Variants in CENPP observed in about 807,000 individuals in gnomAD.
CENPP encodes the protein centromere protein P.
A neutral mutation model predicts 35.6 loss-of-function variants in CENPP; 24 were observed. That is an observed-to-expected ratio of 0.67 (90% CI 0.49 to 0.95). The LOEUF (loss-of-function observed/expected upper bound fraction) is 0.95, where lower values mean the gene tolerates loss of function less well. CENPP is among the 40% of genes least tolerant of loss of function. The probability of loss-of-function intolerance (pLI) is 0.00; values close to 1 mark genes in which losing one functional copy is unlikely to be tolerated. For missense variants in CENPP, 332 were observed against 345.3 expected, an observed-to-expected ratio of 0.96 and a Z score of 0.31; for synonymous variants, 120 against 125.5, an observed-to-expected ratio of 0.96 and a Z score of 0.29.
intron 5 of CENPP, among the ~76,000 whole-genome samples, chr9:92,532,013 A>ATTTTTTTTTTTTTTTTTTTT (rs1368397928): frequency 1.5e-5 from 1 of 68,914 alleles, no homozygotes; most frequent in African/African-American, 1.2e-4. Flanking sequence ...TTTTTATTTA[A>ATTTTTTTTTTTTTTTTTTTT]TGTTTTTTTT....
chr9:92,568,350 G>A (rs1850049663), intron 5 of CENPP, among the ~76,000 whole-genome samples: 1 of 151,988 alleles, frequency 6.6e-6, no homozygotes, highest in African/African-American at 2.4e-5. Flanking sequence ...GTTTTCTGTT[G>A]TTGCGATAGT....
chr9:92,414,959 G>A (rs1391049200), intron 5 of CENPP: 1 of 387,756 alleles, frequency 2.6e-6, no homozygotes, highest in Non-Finnish European at 4.5e-6. Context: ...TATTTTTAAA[G>A]ATTTACATTA....
chr9:92,420,386 G>T lies in CENPP; in HGVS notation c.564+40527G>T, dbSNP rs75698799. On this transcript the variant is annotated intron_variant, in intron 5 of 7. Coordinates refer to ENST00000375587, the MANE Select transcript of CENPP (RefSeq NM_001012267.3). ...CTAAACTTTCTGGCTCCTTCAATCT[G>T]CCAAACTCCAACTCTGGTTACTCCA... Among the ~76,000 whole-genome samples, 731 of 152,144 alleles carry T rather than the reference G, an allele frequency of 4.8e-3. 4 individuals are homozygous for T. Among genetic ancestry groups the T allele is most frequent in the African/African-American group, 0.015 (637 of 41,478 alleles).
chr9:92,337,426 G>T, intron 2 of CENPP, 115 bp from the exon 3 acceptor site: 1 of 584,404 alleles, frequency 1.7e-6, no homozygotes, highest in Non-Finnish European at 3.1e-6. Context: ...AATTGCTAAT[G>T]CACACTTTCA....
chr9:92,560,880 T>G (rs2131341566), intron 5 of CENPP, among the ~76,000 whole-genome samples: 1 of 151,300 alleles, frequency 6.6e-6, no homozygotes, highest in African/African-American at 2.4e-5. Context: ...TTTTTTTTTT[T>G]TTTTTTTTTA....
At chr9:92,360,152 C>A (rs190291042) in intron 4 of CENPP, among the ~76,000 whole-genome samples, 1 of 152,178 alleles carries the variant, frequency 6.6e-6, no homozygotes, top group South Asian at 2.1e-4. Flanking sequence ...ATTTCATTCA[C>A]GTTTTGGCTA....
intron 5 of CENPP, chr9:92,415,178 G>A: frequency 1.2e-6 from 2 of 1,609,710 alleles, no homozygotes; most frequent in Non-Finnish European, 1.7e-6. Flanking sequence ...TAATAATGAA[G>A]GTCAAAGTGC....
intron 5 of CENPP, chr9:92,509,965 A>G: frequency 6.2e-7 from 1 of 1,611,030 alleles, no homozygotes; most frequent in East Asian, 2.2e-5. Flanking sequence ...TCTAATGTAG[A>G]TGGCAATTGT....
At chr9:92,514,618 C>A in intron 5 of CENPP, 1 of 1,549,730 alleles carries the variant, frequency 6.5e-7, no homozygotes, top group South Asian at 1.2e-5. Flanking sequence ...AAGCAGAAGT[C>A]AACATCTCTT....
intron 4 of CENPP, among the ~76,000 whole-genome samples, chr9:92,373,854 C>T (rs1302059279): frequency 1.3e-5 from 2 of 152,004 alleles, no homozygotes; most frequent in Non-Finnish European, 2.9e-5. Flanking sequence ...GTTTTGAATT[C>T]TTTATCTGAG....
chr9:92,578,218 G>T (rs981286883), intron 5 of CENPP, among the ~76,000 whole-genome samples: 1 of 151,966 alleles, frequency 6.6e-6, no homozygotes, highest in African/African-American at 2.4e-5. Flanking sequence ...ATTTGGGTTG[G>T]TTCCAAGTCT....
Position 92,459,777 on chromosome 9 carries a change from A to G in CENPP, c.564+79918A>G, listed in dbSNP as rs375301019. 5.0e-6 allele frequency: 8 copies of G among 1,612,436 alleles called. No individual in the cohort carries two copies. The African/African-American group carries it at 9.4e-5, about 19-fold the overall frequency. On this transcript the variant is annotated intron_variant, in intron 5 of 7. Coordinates refer to ENST00000375587, the MANE Select transcript of CENPP (RefSeq NM_001012267.3). ...GTTGTTTCCTAGGCCCAGCCTAAAA[A>G]TGATATAAAATGCATCAAGTCTTAC... is the stretch of plus-strand genomic sequence containing the variant.
In CENPP at chr9:92,352,528, T is replaced by C. The variant is rs1227589070; in HGVS notation, c.467+6741T>C. Among the ~76,000 whole-genome samples the C allele has an allele frequency of 7.6e-5, 9 of 118,784 alleles. 1 individual carries two copies. The highest frequency in any genetic ancestry group is 2.8e-4 in the African/African-American group (7 of 24,792). The allele number at this position is 118,784 out of a possible 152,430, so 77.9% of individuals were successfully genotyped here. A position where few individuals can be genotyped will look rare whatever the true frequency, so the allele number is the denominator to read the frequency against. On this transcript the variant is annotated intron_variant, in intron 4 of 7. Transcript: ENST00000375587. ...GTGTATACATATATATATATATATA[T>C]ATATATATATAATATAACGGGGAGT...
intron 5 of CENPP, among the ~76,000 whole-genome samples, chr9:92,429,035 T>C (rs889661322): frequency 6.6e-6 from 1 of 152,196 alleles, no homozygotes; most frequent in East Asian, 1.9e-4. Flanking sequence ...CAATTAATTA[T>C]GAATGTAATT....
intron 5 of CENPP, among the ~76,000 whole-genome samples, chr9:92,575,727 GC>G (rs1850265570): frequency 6.6e-6 from 1 of 152,032 alleles, no homozygotes; most frequent in East Asian, 1.9e-4. Context: ...CAGGAGAATT[GC>G]GTGAACCTGG....
chr9:92,464,291 T>A (rs1845223048), intron 5 of CENPP, among the ~76,000 whole-genome samples: 1 of 152,182 alleles, frequency 6.6e-6, no homozygotes, highest in Non-Finnish European at 1.5e-5. Flanking sequence ...CTACTTGAGG[T>A]GCTAGCCTTG....
intron 5 of CENPP, among the ~76,000 whole-genome samples, chr9:92,500,433 T>G (rs1846601970): frequency 1.3e-5 from 2 of 152,254 alleles, no homozygotes; most frequent in African/African-American, 4.8e-5. Flanking sequence ...TCCGCCCGCC[T>G]TGGCGTCCCA....
At chr9:92,553,558 T>A (rs1382643744) in intron 5 of CENPP, among the ~76,000 whole-genome samples, 1 of 152,220 alleles carries the variant, frequency 6.6e-6, no homozygotes, top group Non-Finnish European at 1.5e-5. Flanking sequence ...TGTTTCCATT[T>A]CTTTGTGTCA....
intron 5 of CENPP, among the ~76,000 whole-genome samples, chr9:92,398,843 C>T (rs1215723809): frequency 1.3e-5 from 2 of 152,066 alleles, no homozygotes; most frequent in African/African-American, 4.8e-5. Flanking sequence ...GGCTGAGGCA[C>T]TTGAGGTCAG....
Sources: gnomAD v4.1 joint callset for allele counts (sites outside exome capture counted in the v4.1 genomes callset) on GRCh38, gnomAD v4.1.1 for gene constraint, MANE v1.5 for transcripts, NCBI Gene and HGNC (gene_info 2026-07-23, HGNC 2026-07-21) for gene names.